The following EIF4E3 variants were observed in gnomAD, a reference collection of about 807,000 sequenced individuals.
EIF4E3 encodes eukaryotic translation initiation factor 4E family member 3, also known as eukaryotic translation initiation factor 4E type 3.
Under a neutral mutation model 31.7 loss-of-function variants are expected in EIF4E3, and 26 were observed. The observed-to-expected ratio is 0.82, with a 90% CI of 0.60 to 1.14. The LOEUF (loss-of-function observed/expected upper bound fraction) is 1.14, where lower values mean the gene tolerates loss of function less well. Among genes scored for constraint, EIF4E3 ranks in the 50% most tolerant of loss-of-function variants. The pLI is 0.00. For missense variants in EIF4E3, 304 were observed against 270.9 expected (o/e 1.12, Z -0.86); for synonymous variants, 128 against 107.7 (o/e 1.19, Z -1.17).
At chr3:71,662,462 G>A in the EIF4E3 span, among the ~76,000 whole-genome samples, 23 of 152,346 alleles carry the variant, frequency 1.5e-4, no homozygotes, top group Admixed American at 9.8e-4. Flanking sequence ...TATTGAAAGT[G>A]CTATAAATTC....
At chr3:71,745,200 C>A (rs1385298377) in intron 1 of EIF4E3, among the ~76,000 whole-genome samples, 1 of 152,176 alleles carries the variant, frequency 6.6e-6, no homozygotes, top group African/African-American at 2.4e-5. Flanking sequence ...ATGAAAGGGT[C>A]TCTACCTCAT....
chr3:71,736,005 C>A (rs1459958395), intron 1 of EIF4E3, among the ~76,000 whole-genome samples: 1 of 152,108 alleles, frequency 6.6e-6, no homozygotes, highest in Non-Finnish European at 1.5e-5. Flanking sequence ...AAGACCTGAG[C>A]AAACATCTTG....
chr3:71,682,009 GA>G lies in EIF4E3; in HGVS notation c.*2672del, dbSNP rs1346620983. 5.3e-5 allele frequency: 8 copies of G among 152,152 alleles called. No individual in the cohort carries two copies. Among genetic ancestry groups the G allele is most frequent in the South Asian group, 2.1e-4 (1 of 4,830 alleles). The allele number at this position is 152,152 out of a possible 1,614,324, so 9.4% of individuals were successfully genotyped here. On this transcript the variant is annotated 3_prime_UTR_variant, in exon 7 of 7. Coordinates refer to ENST00000425534, the MANE Select transcript of EIF4E3 (RefSeq NM_001134651.2). ...TTAAGAAATGTGGAAAAGTTGGGGG[GA>G]AAGAGGAAATCTTAAAACTGAGTTA...
At chr3:71,741,216 A>C (rs1457219307) in intron 1 of EIF4E3, among the ~76,000 whole-genome samples, 1 of 151,796 alleles carries the variant, frequency 6.6e-6, no homozygotes, top group Non-Finnish European at 1.5e-5. Context: ...ACACACACAC[A>C]TCCTGGAATC....
At chr3:71,724,367 G>C (rs1414727596) in intron 1 of EIF4E3, among the ~76,000 whole-genome samples, 2 of 152,172 alleles carry the variant, frequency 1.3e-5, no homozygotes, top group Non-Finnish European at 2.9e-5. Context: ...TGGGGAGACA[G>C]ACTGAAAGTA....
rs1207773719 is a variant in EIF4E3 at position 71,683,417 on chromosome 3, C to T, written c.*1265G>A. ...GGAAGTGTCTTCAGATGGCCCTGCC[C>T]TTTATCAGGCAAAAGCAGCCAAAGG... On this transcript the variant is annotated 3_prime_UTR_variant, in exon 7 of 7. Transcript: ENST00000425534. The T allele has an allele frequency of 6.6e-6, 1 of 152,216 alleles. No individual in the cohort carries two copies. Among genetic ancestry groups the T allele is most frequent in the Non-Finnish European group, 1.5e-5 (1 of 68,058 alleles). The allele number at this position is 152,216 out of a possible 1,614,324, so 9.4% of individuals were successfully genotyped here.
chr3:71,670,183 T>A, the EIF4E3 span, among the ~76,000 whole-genome samples: 3 of 152,162 alleles, frequency 2.0e-5, no homozygotes, highest in South Asian at 6.2e-4. Context: ...AAACCTCACC[T>A]CCTGGTACAA....
Position 71,684,526 on chromosome 3 carries a change from T to G in EIF4E3, c.*156A>C. On this transcript the variant is annotated 3_prime_UTR_variant, in exon 7 of 7. Coordinates refer to ENST00000425534, the MANE Select transcript of EIF4E3 (RefSeq NM_001134651.2). ...CCACACAATCTCCCCCCACCCCACC[T>G]GCCACTTTGAGTCCTAATTGCCCAT... is the stretch of plus-strand genomic sequence containing the variant. 5.1e-6 allele frequency: 3 copies of G among 584,156 alleles called. No homozygotes were observed. The highest frequency in any genetic ancestry group is 3.3e-5 in the East Asian group (1 of 30,128). 36.2% of individuals were successfully genotyped at this position (584,156 alleles called of 1,614,324 possible).
the EIF4E3 span, among the ~76,000 whole-genome samples, chr3:71,661,121 AT>A: frequency 6.7e-6 from 1 of 149,686 alleles, no homozygotes; most frequent in Non-Finnish European, 1.5e-5. Context: ...AATAATTGTT[AT>A]TGTTATTTTA....
At chr3:71,740,094 A>G (rs1005163811) in intron 1 of EIF4E3, among the ~76,000 whole-genome samples, 1 of 152,008 alleles carries the variant, frequency 6.6e-6, no homozygotes, top group Non-Finnish European at 1.5e-5. Flanking sequence ...AAGAATTATA[A>G]CTAATAATCC....
At chr3:71,663,043 T>C in the EIF4E3 span, among the ~76,000 whole-genome samples, 1 of 152,146 alleles carries the variant, frequency 6.6e-6, no homozygotes. Context: ...AGCCCATGAA[T>C]ACTCAAAACT....
chr3:71,731,493 G>A lies in EIF4E3; in HGVS notation c.-290-2870C>T, dbSNP rs116849106. Among the ~76,000 whole-genome samples the A allele has an allele frequency of 1.3e-3, 203 of 152,090 alleles. 5 individuals carry two copies. In the East Asian group the frequency reaches 0.031, roughly 23 times the overall value. ...GTGTCAGCTGCACACATCAACTGCCGATCTTCCGAAACAGAATATCCAGTC... is the reference window on the plus strand; with the variant it reads ...GTGTCAGCTGCACACATCAACTGCCAATCTTCCGAAACAGAATATCCAGTC... On this transcript the variant is annotated intron_variant, in intron 1 of 7. Coordinates refer to the EIF4E3 transcript ENST00000295612.
At chr3:71,744,573 C>T (rs1023956574) in intron 1 of EIF4E3, among the ~76,000 whole-genome samples, 2 of 152,080 alleles carry the variant, frequency 1.3e-5, no homozygotes, top group Admixed American at 6.6e-5. Context: ...GGTGAAACCC[C>T]GTCTCTATGA....
chr3:71,754,068 C>T (rs762072045), upstream of EIF4E3: 50 of 1,297,762 alleles, frequency 3.9e-5, no homozygotes, highest in Non-Finnish European at 4.8e-5. This position sits in a 1 kb window ranked among gnomAD's most constrained non-coding sequence, Gnocchi z 5.8. Flanking sequence ...CGCGAGCGAG[C>T]CGGGTGGCAG....
chr3:71,697,371 G>A (rs1009390085), intron 3 of EIF4E3, among the ~76,000 whole-genome samples: 1 of 152,170 alleles, frequency 6.6e-6, no homozygotes, highest in Non-Finnish European at 1.5e-5. Context: ...CTGAATCAGG[G>A]TATTTAGGCT....
Position 71,681,263 on chromosome 3 carries a change from T to C in EIF4E3, c.*3419A>G, listed in dbSNP as rs1232404414. On this transcript the variant is annotated 3_prime_UTR_variant, in exon 7 of 7. Coordinates refer to ENST00000425534, the MANE Select transcript of EIF4E3 (RefSeq NM_001134651.2). The stretch of plus-strand genomic sequence containing the variant: ...AAAATGCAGTAGGATCTTAAAAAAA[T>C]TCTACAAACATAGCTGGATAAATTC... 2 of 152,212 alleles carry C rather than the reference T, an allele frequency of 1.3e-5. No homozygotes were observed. The highest frequency in any genetic ancestry group is 4.8e-5 in the African/African-American group (2 of 41,456). 9.4% of individuals were successfully genotyped at this position (152,212 alleles called of 1,614,324 possible). A position where few individuals can be genotyped will look rare whatever the true frequency, so the allele number is the denominator to read the frequency against.
chr3:71,754,739 C>T (rs1418922334), upstream of EIF4E3: 3 of 1,399,110 alleles, frequency 2.1e-6, no homozygotes, highest in Admixed American at 2.5e-5. This position sits in a 1 kb window ranked among gnomAD's most constrained non-coding sequence, Gnocchi z 5.8. Context: ...GGACCTTCCA[C>T]GGCCCGGGCG....
the EIF4E3 span, among the ~76,000 whole-genome samples, chr3:71,659,835 A>C: frequency 2.0e-5 from 3 of 152,170 alleles, no homozygotes; most frequent in Admixed American, 2.0e-4. Context: ...TTTCATGAGA[A>C]CAGAACATAA....
chr3:71,663,879 A>AAGGGGTGC, the EIF4E3 span, among the ~76,000 whole-genome samples: 1 of 152,144 alleles, frequency 6.6e-6, no homozygotes, highest in African/African-American at 2.4e-5. Flanking sequence ...GCTATACTTG[A>AAGGGGTGC]AGGGGTGCAG....
Sources: gnomAD v4.1 joint callset for allele counts (sites outside exome capture counted in the v4.1 genomes callset) on GRCh38, gnomAD v4.1.1 for gene constraint, Gnocchi (gnomAD v3.1) non-coding constraint, MANE v1.5 for transcripts, NCBI Gene and HGNC (gene_info 2026-07-23, HGNC 2026-07-21) for gene names.